NME7: variants seen among roughly 807,000 people sequenced by gnomAD.
The protein encoded by NME7 is NME/NM23 family member 7.
NME7 carries 41 observed loss-of-function variants against 49.1 expected under a neutral mutation model. The ratio of observed to expected loss-of-function variants is 0.83; its 90% CI spans 0.65 to 1.08. The LOEUF (loss-of-function observed/expected upper bound fraction) is 1.08, where lower values mean the gene tolerates loss of function less well. Among genes scored for constraint, NME7 ranks in the 50% least tolerant of loss-of-function variants. The pLI, the probability that NME7 is intolerant of heterozygous loss-of-function variation, is 0.00. For missense variants in NME7, 423 were observed against 463.4 expected, an observed-to-expected ratio of 0.91 and a Z score of 0.80; for synonymous variants, 139 against 150.6, an observed-to-expected ratio of 0.92 and a Z score of 0.56.
rs543418605 is a variant in NME7, at chr1:169,216,838, C to T, written c.990+13880G>A. 2.2e-4 allele frequency among the ~76,000 whole-genome samples: 34 copies of T among 152,338 alleles called. No individual in the cohort carries two copies. The South Asian group carries it at 2.7e-3, about 12-fold the overall frequency. On this transcript the variant is annotated intron_variant, in intron 10 of 11. Transcript: ENST00000367811. ...TTGTTGGTAGGGAAAAATCCCCACACACTTCTTGGTGACCAAAAGTCACAG... is the reference window on the plus strand; with the variant it reads ...TTGTTGGTAGGGAAAAATCCCCACATACTTCTTGGTGACCAAAAGTCACAG...
At chr1:169,314,870 C>T (rs747105423) in intron 3 of NME7, among the ~76,000 whole-genome samples, 1 of 151,870 alleles carries the variant, frequency 6.6e-6, no homozygotes, top group Non-Finnish European at 1.5e-5. Flanking sequence ...GTATACCATG[C>T]GAATGTTAAC....
At chr1:169,248,693 A>T (rs1398227256) in intron 7 of NME7, among the ~76,000 whole-genome samples, 1 of 152,106 alleles carries the variant, frequency 6.6e-6, no homozygotes, top group Non-Finnish European at 1.5e-5. Flanking sequence ...ATTCTTCTAC[A>T]TGTGGTTATC....
At chr1:169,252,919 A>G (rs1387240756) in intron 7 of NME7, among the ~76,000 whole-genome samples, 1 of 149,116 alleles carries the variant, frequency 6.7e-6, no homozygotes, top group Non-Finnish European at 1.5e-5. Flanking sequence ...CCATTGATCT[A>G]TATCTCTGTT....
intron 10 of NME7, among the ~76,000 whole-genome samples, chr1:169,203,788 G>T (rs540993326): frequency 6.6e-6 from 1 of 152,186 alleles, no homozygotes; most frequent in East Asian, 1.9e-4. Context: ...GCTAATGATG[G>T]TTAGCAAAGG....
intron 10 of NME7, among the ~76,000 whole-genome samples, chr1:169,226,964 TGAAA>T (rs1557996654): frequency 6.6e-6 from 1 of 152,196 alleles, no homozygotes; most frequent in African/African-American, 2.4e-5. Flanking sequence ...TTCAGGGCCC[TGAAA>T]GAGTTTCAAG....
chr1:169,323,404 G>T, intron 2 of NME7, 121 bp from the exon 3 acceptor site: 1 of 754,418 alleles, frequency 1.3e-6, no homozygotes, highest in Non-Finnish European at 1.9e-6. Flanking sequence ...GTTATATTCT[G>T]TTTCTTTTTT....
In NME7 at chr1:169,263,555, A is replaced by G. The variant is rs1649228389; in HGVS notation, c.754+23748T>C. 1.5e-5 allele frequency among the ~76,000 whole-genome samples: 2 copies of G among 134,432 alleles called. 1 individual carries two copies. Among genetic ancestry groups the G allele is most frequent in the Non-Finnish European group, 3.5e-5 (2 of 57,154 alleles). 88.2% of individuals were successfully genotyped at this position (134,432 alleles called of 152,430 possible). ...TGAAATAATACAGTCAGACAGGAAG[A>G]AAACAGAACAAAAAGGAATGAATAA... On this transcript the variant is annotated intron_variant, in intron 7 of 11. Transcript: ENST00000367811.
intron 11 of NME7, among the ~76,000 whole-genome samples, chr1:169,141,414 A>G (rs1246227036): frequency 6.6e-6 from 1 of 152,204 alleles, no homozygotes; most frequent in Non-Finnish European, 1.5e-5. Flanking sequence ...GGGTATTGAT[A>G]AGGAAATAAA....
intron 3 of NME7, among the ~76,000 whole-genome samples, chr1:169,316,872 TA>T (rs1320603198): frequency 6.6e-6 from 1 of 152,096 alleles, no homozygotes; most frequent in Non-Finnish European, 1.5e-5. Flanking sequence ...CATAAATTTG[TA>T]TTGTTTAAGT....
chr1:169,275,258 G>A (rs1372428995), intron 7 of NME7, among the ~76,000 whole-genome samples: 1 of 129,930 alleles, frequency 7.7e-6, no homozygotes, highest in Non-Finnish European at 1.8e-5. Flanking sequence ...TCATGATTTG[G>A]CTCTCTGTTT....
intron 11 of NME7, among the ~76,000 whole-genome samples, chr1:169,135,001 C>A (rs915290100): frequency 8.6e-6 from 1 of 116,226 alleles, no homozygotes. Flanking sequence ...ATAAGGAGAT[C>A]CCCCCGTCTC....
intron 8 of NME7, among the ~76,000 whole-genome samples, chr1:169,236,721 C>CTTTTTTTTTTTT (rs111598142): frequency 1.4e-5 from 2 of 145,330 alleles, no homozygotes; most frequent in African/African-American, 2.5e-5. Flanking sequence ...AACTATTTCC[C>CTTTTTTTTTTTT]TTTTTTTTTT....
At chr1:169,170,439 C>A (rs1659551747) in intron 10 of NME7, among the ~76,000 whole-genome samples, 1 of 152,134 alleles carries the variant, frequency 6.6e-6, no homozygotes, top group African/African-American at 2.4e-5. Flanking sequence ...TAAAGACATG[C>A]ATTTATTTAA....
At chr1:169,289,165 C>T (rs906563388) in intron 6 of NME7, among the ~76,000 whole-genome samples, 3 of 152,114 alleles carry the variant, frequency 2.0e-5, no homozygotes, top group African/African-American at 4.8e-5. Context: ...CAGCCCTCAC[C>T]TTACCTGACC....
In NME7 at chr1:169,179,290, T is replaced by C. The variant is rs182425491; in HGVS notation, c.991-9736A>G. Among the ~76,000 whole-genome samples, 1,141 of 152,278 alleles carry C rather than the reference T, an allele frequency of 7.5e-3. 16 individuals carry two copies. The highest frequency in any genetic ancestry group is 8.5e-3 in the Non-Finnish European group (578 of 68,020). On this transcript the variant is annotated intron_variant, in intron 10 of 11. Coordinates refer to ENST00000367811, the MANE Select transcript of NME7 (RefSeq NM_013330.5). ...CTCACACCAGTCAGAATGGCTATTA[T>C]TAAAAAGTCAAAAAACAACAGATGC... is the stretch of plus-strand genomic sequence containing the variant.
chr1:169,343,327 A>G (rs1417122754), intron 1 of NME7, among the ~76,000 whole-genome samples: 1 of 152,054 alleles, frequency 6.6e-6, no homozygotes, highest in Admixed American at 6.6e-5. Context: ...TTCTACATGT[A>G]GATATATAAT....
chr1:169,356,798 C>T (rs572703976), intron 1 of NME7, among the ~76,000 whole-genome samples: 6 of 152,190 alleles, frequency 3.9e-5, no homozygotes, highest in Admixed American at 2.0e-4. Context: ...CAAATGCGTT[C>T]CAGTAACTTT....
intron 7 of NME7, among the ~76,000 whole-genome samples, chr1:169,259,262 TAGGG>T (rs1649085875): frequency 1.5e-5 from 2 of 132,806 alleles, no homozygotes; most frequent in African/African-American, 5.1e-5. Context: ...TTTCTTCTCT[TAGGG>T]GAGACACCTA....
At chr1:169,329,725 T>C (rs1277729909) in intron 1 of NME7, among the ~76,000 whole-genome samples, 1 of 152,084 alleles carries the variant, frequency 6.6e-6, no homozygotes, top group African/African-American at 2.4e-5. Flanking sequence ...ATCTAAGTTA[T>C]TGGTCTTAAA....
Sources: allele counts gnomAD v4.1 joint callset (sites outside exome capture counted in the v4.1 genomes callset), GRCh38; gene constraint gnomAD v4.1.1; transcripts MANE v1.5; gene names NCBI Gene and HGNC (gene_info 2026-07-23, HGNC 2026-07-21).